The following SP140 variants were observed in gnomAD, a reference collection of about 807,000 sequenced individuals.
SP140 encodes SP140 nuclear body protein, also known as nuclear body protein SP140.
Under a neutral mutation model 125.0 loss-of-function variants are expected in SP140, and 81 were observed. That is an observed-to-expected ratio of 0.65 (90% confidence interval 0.54 to 0.78). The LOEUF (loss-of-function observed/expected upper bound fraction) is 0.78. Ranked by LOEUF, SP140 falls within the 30% of genes least tolerant of loss-of-function variation. The pLI is 0.00. For missense variants in SP140, 858 were observed against 1,037.0 expected (o/e 0.83, Z 2.37); for synonymous variants, 312 against 354.0 (o/e 0.88, Z 1.33).
intron 22 of SP140, among the ~76,000 whole-genome samples, chr2:230,299,019 A>C (rs962717467): frequency 1.3e-5 from 2 of 152,194 alleles, no homozygotes; most frequent in African/African-American, 4.8e-5. Context: ...ACAACCAAAG[A>C]ACCAGAGAAA....
chr2:230,262,805 A>G (rs1247771269), intron 12 of SP140, among the ~76,000 whole-genome samples: 1 of 152,106 alleles, frequency 6.6e-6, no homozygotes. Context: ...GTCTTATTCT[A>G]CTGTGGTCTG....
At chr2:230,257,190 A>G (rs2051360157) in intron 12 of SP140, among the ~76,000 whole-genome samples, 2 of 152,118 alleles carry the variant, frequency 1.3e-5, no homozygotes, top group South Asian at 4.2e-4. Context: ...CAATGGAAAG[A>G]GACTTTTATC....
intron 7 of SP140, among the ~76,000 whole-genome samples, chr2:230,246,961 T>C (rs1409979475): frequency 6.6e-6 from 1 of 151,956 alleles, no homozygotes. Flanking sequence ...ATATGGGACA[T>C]TGTAGGGATG....
chr2:230,218,605 G>A (rs1167465572), intron 3 of SP140, among the ~76,000 whole-genome samples: 1 of 152,156 alleles, frequency 6.6e-6, no homozygotes, highest in East Asian at 1.9e-4. Flanking sequence ...CTCAGAACAG[G>A]AAGTCTAGAG....
intron 12 of SP140, among the ~76,000 whole-genome samples, chr2:230,266,428 C>T (rs1035332709): frequency 4.6e-5 from 7 of 152,064 alleles, no homozygotes; most frequent in African/African-American, 1.4e-4. Flanking sequence ...TCCCTTAGGC[C>T]GTATTTAAAA....
chr2:230,266,703 C>T (rs1211956773), intron 12 of SP140, among the ~76,000 whole-genome samples: 1 of 152,148 alleles, frequency 6.6e-6, no homozygotes, highest in African/African-American at 2.4e-5. Context: ...GTTGTTGAAC[C>T]GAGGTCACAG....
chr2:230,242,270 A>AT (rs35900724), intron 4 of SP140, among the ~76,000 whole-genome samples: 80,500 of 151,828 alleles, frequency 0.53, 21,901 homozygotes, highest in African/African-American at 0.64. Context: ...AGGGTGTAAA[A>AT]CACTTGAGAG....
intron 22 of SP140, among the ~76,000 whole-genome samples, chr2:230,301,134 C>T (rs1575324015): frequency 6.6e-6 from 1 of 152,172 alleles, no homozygotes; most frequent in African/African-American, 2.4e-5. Context: ...AAAGCCTCCA[C>T]GAAGTTTAGG....
chr2:230,212,639 G>A, intron 1 of SP140: 1 of 1,336,144 alleles, frequency 7.5e-7, no homozygotes, highest in Non-Finnish European at 1.1e-6. Flanking sequence ...GGTTGTGTTT[G>A]GGTAGATGGG....
intron 19 of SP140, among the ~76,000 whole-genome samples, chr2:230,291,579 C>T (rs2057118073): frequency 6.6e-6 from 1 of 152,198 alleles, no homozygotes; most frequent in African/African-American, 2.4e-5. Context: ...AGTTCATCCA[C>T]AATGAATGTA....
At chr2:230,238,738 TA>T in intron 3 of SP140, 1 of 1,519,798 alleles carries the variant, frequency 6.6e-7, no homozygotes, top group Non-Finnish European at 8.9e-7. Context: ...TGTTCAAAGA[TA>T]AAACAATTTT....
intron 26 of SP140, among the ~76,000 whole-genome samples, chr2:230,312,277 A>T (rs1222627891): frequency 6.6e-6 from 1 of 152,250 alleles, no homozygotes; most frequent in Non-Finnish European, 1.5e-5. Flanking sequence ...TGTTTAAGAT[A>T]AGTGTTCTAC....
rs150880977 is a variant in SP140, at chr2:230,249,251, G to C, written c.976+283G>C. Among the ~76,000 whole-genome samples the C allele has an allele frequency of 4.6e-4, 70 of 152,268 alleles. 1 individual carries two copies. The highest frequency in any genetic ancestry group is 6.8e-3 in the Middle Eastern group (2 of 294). ...TGGGGCGCCAGAGAAGTGCGTGGGTGATGTTATTAAACACACATTAAACCT... is the reference window on the plus strand; with the variant it reads ...TGGGGCGCCAGAGAAGTGCGTGGGTCATGTTATTAAACACACATTAAACCT... On this transcript the variant is annotated intron_variant, in intron 9 of 26. Coordinates refer to ENST00000392045, the MANE Select transcript of SP140 (RefSeq NM_007237.5).
intron 1 of SP140, among the ~76,000 whole-genome samples, chr2:230,226,503 T>C (rs2046382905): frequency 6.6e-6 from 1 of 152,136 alleles, no homozygotes; most frequent in South Asian, 2.1e-4. Context: ...TGTTCTGGTA[T>C]TTTTTACATA....
chr2:230,288,925 A>AAC (rs1415534536), intron 18 of SP140, among the ~76,000 whole-genome samples: 1 of 152,182 alleles, frequency 6.6e-6, no homozygotes, highest in Non-Finnish European at 1.5e-5. Flanking sequence ...TGCTGCAATA[A>AAC]ACACACGTGT....
At chr2:230,226,309 G>C (rs13384496) in intron 1 of SP140, among the ~76,000 whole-genome samples, 2,088 of 152,244 alleles carry the variant, frequency 0.014, 44 homozygotes, top group African/African-American at 0.047. Context: ...CCTGTCTGTT[G>C]TCACACTTTC....
intron 15 of SP140, among the ~76,000 whole-genome samples, chr2:230,274,731 T>C (rs1214850961): frequency 1.3e-5 from 2 of 152,162 alleles, no homozygotes; most frequent in Non-Finnish European, 2.9e-5. Context: ...AAACTAACAA[T>C]TTATATTTTT....
chr2:230,245,005 T>C lies in SP140; in HGVS notation c.589T>C (p.Cys197Arg). The change falls in exon 6 of 27, where the codon TGT (cysteine) becomes CGT (arginine). Residue 197 changes from cysteine to arginine, a missense_variant. Physicochemically the swap from Cys to Arg is radical, Grantham distance 180. Around this residue, in one of 4 missense-constraint regions of SP140, gnomAD observed 791 missense variants for 869.5 expected, o/e 0.91. Transcript: ENST00000392045. ...RCEPGFSSES[C>R]EQLALPKAGG... ...ATTTCCAGGTTTCTCTTCAGAGTCT[T>C]GTGAGCAGTTAGCTCTCCCAAAGGC... is the stretch of plus-strand genomic sequence containing the variant. The C allele has an allele frequency of 6.2e-7, 1 of 1,612,836 alleles. No homozygotes were observed. The highest frequency in any genetic ancestry group is 8.5e-7 in the Non-Finnish European group (1 of 1,179,204).
At chr2:230,228,819 G>A (rs185896173) in intron 1 of SP140, among the ~76,000 whole-genome samples, 31 of 152,022 alleles carry the variant, frequency 2.0e-4, no homozygotes, top group African/African-American at 7.0e-4. Context: ...ACATATAGTC[G>A]GGTGTTTTGT....
Sources: allele counts gnomAD v4.1 joint callset (sites outside exome capture counted in the v4.1 genomes callset), GRCh38; gene constraint gnomAD v4.1.1; regional missense constraint gnomAD v4.1.1; transcripts MANE v1.5; gene names NCBI Gene and HGNC (gene_info 2026-07-23, HGNC 2026-07-21).